ZNF732: variants seen among roughly 807,000 people sequenced by gnomAD.
ZNF732 encodes zinc finger protein LOC654254.
ZNF732 carries 12 observed loss-of-function variants against 11.5 expected under a neutral mutation model. The observed-to-expected ratio is 1.05, with a 90% CI of 0.67 to 1.70. ZNF732 has a LOEUF of 1.70. Among genes scored for constraint, ZNF732 ranks in the 40% most tolerant of loss-of-function variants. The pLI, the probability that ZNF732 is intolerant of heterozygous loss-of-function variation, is 0.00. For missense variants in ZNF732, 702 were observed against 676.9 expected (o/e 1.04, Z -0.41); for synonymous variants, 231 against 236.5 (o/e 0.98, Z 0.21).
At position 296,128 on chromosome 4, in the gene ZNF732, T is replaced by C. The variant is rs374732230; in HGVS notation, c.31A>G (p.Ile11Val). ...TTCCACTCTTCTGGAGAGAATTCTA[T>C]GGCCACATCCCTGAATGTTAAGAGT... Reference protein sequence around the residue: MELLTFRDVAIEFSPEEWKCL... With the variant: MELLTFRDVAVEFSPEEWKCL... Residue 11 changes from isoleucine (I) to valine (V), a missense_variant, in exon 2 of 4, where the codon ATA becomes GTA. Transcript: ENST00000419098. 18 of 1,613,082 alleles carry C rather than the reference T, an allele frequency of 1.1e-5. No homozygotes were observed. Among genetic ancestry groups the C allele is most frequent in the Non-Finnish European group, 1.4e-5 (17 of 1,179,758 alleles).
chr4:279,190 G>T (rs1553839263), intron 3 of ZNF732, among the ~76,000 whole-genome samples: 1 of 151,460 alleles, frequency 6.6e-6, no homozygotes, highest in African/African-American at 2.4e-5. Flanking sequence ...TATAATTCCA[G>T]CACTTTGGGA....
chr4:286,737 G>A (rs567795804), intron 3 of ZNF732, among the ~76,000 whole-genome samples: 1 of 152,180 alleles, frequency 6.6e-6, no homozygotes, highest in Non-Finnish European at 1.5e-5. Context: ...GTGCAAGTTT[G>A]TTATACAGGT....
At chr4:303,185 T>C (rs1560166473) in intron 1 of ZNF732, among the ~76,000 whole-genome samples, 1 of 152,222 alleles carries the variant, frequency 6.6e-6, no homozygotes, top group East Asian at 1.9e-4. Flanking sequence ...ATTTATCCTT[T>C]TAACTTTTTG....
chr4:299,516 T>TATATATGTGTATATATACATATATACAC (rs1560165415), intron 1 of ZNF732, among the ~76,000 whole-genome samples: 7 of 120,828 alleles, frequency 5.8e-5, no homozygotes, highest in African/African-American at 2.4e-4. Context: ...CACATATACG[T>TATATATGTGTATATATACATATATACAC]ATATATGTGT....
chr4:285,168 A>G (rs2108655892), intron 3 of ZNF732, among the ~76,000 whole-genome samples: 1 of 152,286 alleles, frequency 6.6e-6, no homozygotes, highest in African/African-American at 2.4e-5. Flanking sequence ...TGTTCACAGG[A>G]AAGAGTGTTT....
intron 2 of ZNF732, among the ~76,000 whole-genome samples, 175 bp downstream of exon 2, chr4:295,854 C>T (rs187873210): frequency 1.3e-5 from 2 of 152,070 alleles, no homozygotes; most frequent in African/African-American, 4.8e-5. Flanking sequence ...AGAAGGTTTA[C>T]GTAAAGATAA....
chr4:271,845 CTTCACATGTG>C lies in ZNF732; in HGVS notation c.1002_1011del (p.Tyr334Ter), dbSNP rs1225713516. The C allele has an allele frequency of 1.2e-6, 2 of 1,613,504 alleles. No homozygotes were observed. Among genetic ancestry groups the C allele is most frequent in the African/African-American group, 2.7e-5 (2 of 74,930 alleles). ...GACCTACTAAAGGCTTTGCCACATT[CTTCACATGTG>C]TAGGGTTTCTCTCCAGTATGAATTC... On this transcript the variant is annotated frameshift_variant, in exon 4 of 4. Transcript: ENST00000419098. LOFTEE classifies it low-confidence loss of function (END_TRUNC).
intron 3 of ZNF732, among the ~76,000 whole-genome samples, chr4:276,966 C>T (rs1360344754): frequency 6.6e-6 from 1 of 151,408 alleles, no homozygotes; most frequent in Non-Finnish European, 1.5e-5. Context: ...ACAGATCAAA[C>T]TATCCAGTGA....
intron 3 of ZNF732, among the ~76,000 whole-genome samples, chr4:275,671 A>G (rs1719478204): frequency 6.6e-6 from 1 of 151,990 alleles, no homozygotes; most frequent in South Asian, 2.1e-4. Flanking sequence ...ACAGCAACGC[A>G]TATTTCTCTC....
intron 1 of ZNF732, among the ~76,000 whole-genome samples, chr4:300,430 G>A (rs1581550531): frequency 6.8e-6 from 1 of 146,902 alleles, no homozygotes; most frequent in South Asian, 2.2e-4. Context: ...ACTCCAGCCT[G>A]GGAGACAGAA....
At chr4:281,048 T>A (rs1553839705) in intron 3 of ZNF732, among the ~76,000 whole-genome samples, 1 of 152,012 alleles carries the variant, frequency 6.6e-6, no homozygotes, top group African/African-American at 2.4e-5. Context: ...ATAAGCTGGC[T>A]CCAAGTCCAT....
chr4:285,182 A>AG (rs1285277264), intron 3 of ZNF732, among the ~76,000 whole-genome samples: 4 of 151,954 alleles, frequency 2.6e-5, no homozygotes, highest in African/African-American at 9.7e-5. Context: ...AGTGTTTGTG[A>AG]GGGAAAAAAA....
At chr4:304,589 C>T (rs948808952) in intron 1 of ZNF732, among the ~76,000 whole-genome samples, 1 of 152,076 alleles carries the variant, frequency 6.6e-6, no homozygotes, top group Non-Finnish European at 1.5e-5. Flanking sequence ...AGACGGCAGT[C>T]CCTGCCTCTG....
chr4:273,365 T>C (rs188050232), intron 3 of ZNF732, among the ~76,000 whole-genome samples: 10 of 152,084 alleles, frequency 6.6e-5, no homozygotes, highest in Admixed American at 3.3e-4. Flanking sequence ...TTTTGGTTAA[T>C]GTTCAAATAA....
chr4:301,882 CAG>C (rs1720125511), intron 1 of ZNF732, among the ~76,000 whole-genome samples: 1 of 152,104 alleles, frequency 6.6e-6, no homozygotes, highest in Non-Finnish European at 1.5e-5. Flanking sequence ...AATATATAGA[CAG>C]ATAGATATAA....
chr4:302,003 G>A (rs955776953), intron 1 of ZNF732, among the ~76,000 whole-genome samples: 13 of 152,236 alleles, frequency 8.5e-5, no homozygotes, highest in East Asian at 1.9e-4. Context: ...GCACACTGAC[G>A]AAGGAGGAAT....
intron 3 of ZNF732, among the ~76,000 whole-genome samples, chr4:275,394 AAAC>A (rs1201109775): frequency 3.3e-5 from 5 of 151,376 alleles, no homozygotes; most frequent in Middle Eastern, 6.8e-3. Flanking sequence ...GTAGTAATAG[AAAC>A]AACAATTCCC....
At chr4:284,891 A>AAAG (rs1553840429) in intron 3 of ZNF732, among the ~76,000 whole-genome samples, 14,947 of 125,898 alleles carry the variant, frequency 0.12, 1,175 homozygotes, top group South Asian at 0.18. Context: ...AAAAAAAAAA[A>AAAG]AAGAAGAAGA....
At chr4:302,946 C>A in intron 1 of ZNF732, among the ~76,000 whole-genome samples, 1 of 152,148 alleles carries the variant, frequency 6.6e-6, no homozygotes, top group East Asian at 1.9e-4. Flanking sequence ...AAGAGCCAGA[C>A]AGACTCCATC....
Sources: allele counts gnomAD v4.1 joint callset (sites outside exome capture counted in the v4.1 genomes callset), GRCh38; gene constraint gnomAD v4.1.1; transcripts MANE v1.5; gene names NCBI Gene and HGNC (gene_info 2026-07-23, HGNC 2026-07-21).